SCN4A: variants seen among roughly 807,000 people sequenced by gnomAD.
SCN4A encodes the protein sodium channel protein type 4 subunit alpha.
A neutral mutation model predicts 162.0 loss-of-function variants in SCN4A; 83 were observed. That is an observed-to-expected ratio of 0.51 (90% CI 0.43 to 0.61). SCN4A has a LOEUF of 0.61. Ranked by LOEUF, SCN4A falls within the 20% of genes least tolerant of loss-of-function variation. The pLI is 0.00. For missense variants in SCN4A, 2,196 were observed against 2,462.5 expected, an observed-to-expected ratio of 0.89 and a Z score of 2.29; for synonymous variants, 944 against 985.1, an observed-to-expected ratio of 0.96 and a Z score of 0.78.
Position 63,950,073 on chromosome 17 carries a change from C to T in SCN4A, c.2854-545G>A, listed in dbSNP as rs571717791. On this transcript the variant is annotated intron_variant, in intron 14 of 23. Coordinates refer to ENST00000435607, the MANE Select transcript of SCN4A (RefSeq NM_000334.4). This position sits in a 1 kb window ranked among gnomAD's most constrained non-coding sequence, Gnocchi z 4.6. ...AAGGGAACCTGATCAGTGTTGGGAG[C>T]GGGAGTGGGGGAGGCGGGTGCTCCA... 1.8e-3 allele frequency among the ~76,000 whole-genome samples: 280 copies of T among 152,142 alleles called. No individual in the cohort carries two copies. The highest frequency in any genetic ancestry group is 3.4e-3 in the Middle Eastern group (1 of 294).
At chr17:63,954,078 A>G (rs1908998224) in intron 13 of SCN4A, among the ~76,000 whole-genome samples, 1 of 152,242 alleles carries the variant, frequency 6.6e-6, no homozygotes, top group South Asian at 2.1e-4. Flanking sequence ...GTGAGAGGGC[A>G]TGGGGAATTG....
chr17:63,946,796 G>A (rs911821631), intron 18 of SCN4A, among the ~76,000 whole-genome samples: 15 of 152,132 alleles, frequency 9.9e-5, no homozygotes, highest in Non-Finnish European at 1.9e-4. Flanking sequence ...CCCTCAAGTA[G>A]TGGCAGAGGT....
chr17:63,952,319 C>T (rs1908939743), intron 13 of SCN4A, among the ~76,000 whole-genome samples: 2 of 152,134 alleles, frequency 1.3e-5, no homozygotes, highest in Middle Eastern at 6.8e-3. Context: ...GCCACCATGC[C>T]CAGCTAATCT....
chr17:63,958,002 T>TAAAAA (rs60393540), intron 12 of SCN4A, among the ~76,000 whole-genome samples: 2 of 55,234 alleles, frequency 3.6e-5, no homozygotes, highest in African/African-American at 6.0e-5. Context: ...AAAACTCCAC[T>TAAAAA]AAAAAAAAAA....
At chr17:63,948,342 G>A (rs1002522391) in intron 16 of SCN4A, among the ~76,000 whole-genome samples, 2 of 152,108 alleles carry the variant, frequency 1.3e-5, no homozygotes, top group Non-Finnish European at 2.9e-5. Context: ...TCAGTCCTGC[G>A]CCCCCAGTTC....
chr17:63,968,885 G>A lies in SCN4A; in HGVS notation c.704-530C>T, dbSNP rs554968902. Among the ~76,000 whole-genome samples the A allele has an allele frequency of 2.0e-5, 3 of 152,296 alleles. No individual in the cohort carries two copies. In the East Asian group the frequency reaches 5.8e-4, roughly 29 times the overall value. ...GAGAGAGTCTCATTCTGTCACCCAG[G>A]CTGGAATGCAGTGGCGTGATCTTGG... On this transcript the variant is annotated intron_variant, in intron 5 of 23. Coordinates refer to ENST00000435607, the MANE Select transcript of SCN4A (RefSeq NM_000334.4).
chr17:63,971,290 G>A, intron 4 of SCN4A, 37 bp from the exon 5 acceptor site: 1 of 1,117,512 alleles, frequency 8.9e-7, no homozygotes, highest in Non-Finnish European at 1.3e-6. Context: ...GACTGTCAGA[G>A]CCTGGGGTGG....
At position 63,944,598 on chromosome 17, in the gene SCN4A, C is replaced by T. The variant is rs142880555; in HGVS notation, c.3912+75G>A. Reference sequence around the variant, plus strand: ...CTCAGGCAGCGTTTGTGGGTTTGTGCAATGGAGAGTGGACAAAGGAGGCAG... The same window carrying T: ...CTCAGGCAGCGTTTGTGGGTTTGTGTAATGGAGAGTGGACAAAGGAGGCAG... On this transcript the variant is annotated intron_variant, in intron 21 of 23. Coordinates refer to ENST00000435607, the MANE Select transcript of SCN4A (RefSeq NM_000334.4). The surrounding 1 kb of genome is among the most constrained non-coding windows in gnomAD (Gnocchi z 4.3). 11 of 1,502,874 alleles carry T rather than the reference C, an allele frequency of 7.3e-6. No individual in the cohort carries two copies. The highest frequency in any genetic ancestry group is 9.9e-6 in the Non-Finnish European group (11 of 1,108,848). 93.1% of individuals were successfully genotyped at this position (1,502,874 alleles called of 1,614,324 possible). A position where few individuals can be genotyped will look rare whatever the true frequency, so the allele number is the denominator to read the frequency against.
In SCN4A at chr17:63,963,833, C is replaced by G. The variant is rs1909349500; in HGVS notation, c.1453-8G>C. 1 of 1,593,128 alleles carries G rather than the reference C, an allele frequency of 6.3e-7. No individual in the cohort carries two copies. The highest frequency in any genetic ancestry group is 1.3e-5 in the African/African-American group (1 of 74,472). ...AGCTTGGGCGGCCTTGGCCTGTAGACCAGCAAGAGTGACTGGCAGGAAGTC... is the reference window on the plus strand; with the variant it reads ...AGCTTGGGCGGCCTTGGCCTGTAGAGCAGCAAGAGTGACTGGCAGGAAGTC... On this transcript the variant is annotated splice_region_variant and splice_polypyrimidine_tract_variant and intron_variant, in intron 9 of 23. Transcript: ENST00000435607.
intron 5 of SCN4A, among the ~76,000 whole-genome samples, 195 bp from the exon 6 acceptor site, chr17:63,968,550 G>A (rs1012182013): frequency 1.3e-5 from 2 of 152,168 alleles, no homozygotes; most frequent in African/African-American, 4.8e-5. Context: ...GCCCTCAAAT[G>A]GCCACAGACG....
chr17:63,963,024 C>G (rs1261344087), intron 10 of SCN4A, among the ~76,000 whole-genome samples: 1 of 152,170 alleles, frequency 6.6e-6, no homozygotes, highest in Non-Finnish European at 1.5e-5. Flanking sequence ...TCTCTATTGT[C>G]CCTTTTTCCT....
At position 63,951,901 on chromosome 17, in the gene SCN4A, C is replaced by A; in HGVS notation, c.2377-1G>T. 6.6e-7 allele frequency: 1 copy of A among 1,520,394 alleles called. No individual in the cohort carries two copies. The highest frequency in any genetic ancestry group is 2.4e-5 in the East Asian group (1 of 41,068). 94.2% of individuals were successfully genotyped at this position (1,520,394 alleles called of 1,614,324 possible). On this transcript the variant is annotated splice_acceptor_variant, in intron 13 of 23. Transcript: ENST00000435607. LOFTEE classifies it high-confidence loss of function. This position sits in a 1 kb window ranked among gnomAD's most constrained non-coding sequence, Gnocchi z 4.5. ...GCAGAGCCAGGAACAGGTTCAGGAC[C>A]TGGGGCATGGGGTCAGGGGGAGCCT...
rs1203365294 is a variant in SCN4A, at chr17:63,951,868, G to A, written c.2409C>T (p.Ser803=). The A allele has an allele frequency of 1.3e-6, 2 of 1,550,618 alleles. No homozygotes were observed. Among genetic ancestry groups the A allele is most frequent in the Non-Finnish European group, 1.7e-6 (2 of 1,151,942 alleles). Reference sequence around the variant, plus strand: ...CTGCCAGACTGTCGGCGCTGAAGGAGCTCAGCAGCAGAGCCAGGAACAGGT... The same window carrying A: ...CTGCCAGACTGTCGGCGCTGAAGGAACTCAGCAGCAGAGCCAGGAACAGGT... The part of the protein sequence containing the change: ...VLNLFLALLL[S]SFSADSLAAS... The change falls in exon 14 of 24, where the codon AGC becomes AGT. Residue 803 remains serine, a synonymous_variant. Transcript: ENST00000435607. The surrounding 1 kb of genome is among the most constrained non-coding windows in gnomAD (Gnocchi z 4.5).
rs560271820 is a variant in SCN4A, at chr17:63,939,174, A to G, written c.*1597T>C. 1 of 152,870 alleles carries G rather than the reference A, an allele frequency of 6.5e-6. No homozygotes were observed. Among genetic ancestry groups the G allele is most frequent in the South Asian group, 2.1e-4 (1 of 4,842 alleles). 9.5% of individuals were successfully genotyped at this position (152,870 alleles called of 1,614,324 possible). A position where few individuals can be genotyped will look rare whatever the true frequency, so the allele number is the denominator to read the frequency against. On this transcript the variant is annotated 3_prime_UTR_variant, in exon 24 of 24. Coordinates refer to ENST00000435607, the MANE Select transcript of SCN4A (RefSeq NM_000334.4). ...CTGAATTTTAATCAAACTTTTCATG[A>G]GAAACAAGAAGAAAAAGAAGAGGCA...
In SCN4A at chr17:63,940,815, G is replaced by A; in HGVS notation, c.5467C>T (p.Pro1823Ser). 6.2e-7 allele frequency: 1 copy of A among 1,603,354 alleles called. No homozygotes were observed. Among genetic ancestry groups the A allele is most frequent in the Non-Finnish European group, 8.5e-7 (1 of 1,173,290 alleles). ...ACACCTGGGCGCACAGTCTGCCCTG[G>A]GGGAGGGGCGGGAGGCCAGGCAGTG... ...SDTAWPPAPP[P>S]GQTVRPGVKE... The change falls in exon 24 of 24, where the codon CCA (proline) becomes TCA (serine). Residue 1823 changes from proline (P) to serine (S), a missense_variant. Transcript: ENST00000435607.
In SCN4A at chr17:63,952,000, A is replaced by G. The variant is rs1431163677; in HGVS notation, c.2377-100T>C. On this transcript the variant is annotated intron_variant, in intron 13 of 23. Transcript: ENST00000435607. This position sits in a 1 kb window ranked among gnomAD's most constrained non-coding sequence, Gnocchi z 4.5. The stretch of plus-strand genomic sequence containing the variant: ...GGTCCTCGGTCTACAGATCCAAACT[A>G]CCACATGTTGGGCATTTAAAAGAAC... The G allele has an allele frequency of 3.0e-6, 2 of 676,932 alleles. No homozygotes were observed. Among genetic ancestry groups the G allele is most frequent in the East Asian group, 2.7e-5 (1 of 36,568 alleles). 41.9% of individuals were successfully genotyped at this position (676,932 alleles called of 1,614,324 possible). A position where few individuals can be genotyped will look rare whatever the true frequency, so the allele number is the denominator to read the frequency against.
chr17:63,958,108 A>G (rs1328440305), intron 12 of SCN4A, among the ~76,000 whole-genome samples: 2 of 150,622 alleles, frequency 1.3e-5, no homozygotes, highest in African/African-American at 4.9e-5. Flanking sequence ...GTTGGCTCAC[A>G]CCTGTAATCC....
intron 22 of SCN4A, 99 bp from the exon 23 acceptor site, chr17:63,943,195 A>G (rs1309454892): frequency 8.5e-6 from 9 of 1,060,116 alleles, no homozygotes; most frequent in Admixed American, 2.0e-5. Flanking sequence ...ACAGCATGAC[A>G]GAGATGACAG....
chr17:63,942,306 A>T (rs1908568205), intron 23 of SCN4A, among the ~76,000 whole-genome samples: 1 of 151,490 alleles, frequency 6.6e-6, no homozygotes, highest in Non-Finnish European at 1.5e-5. Flanking sequence ...AAAGAGACAG[A>T]GAGAGAGAGA....
Sources: gnomAD v4.1 joint callset for allele counts (sites outside exome capture counted in the v4.1 genomes callset) on GRCh38, gnomAD v4.1.1 for gene constraint, Gnocchi (gnomAD v3.1) non-coding constraint, MANE v1.5 for transcripts, NCBI Gene and HGNC (gene_info 2026-07-23, HGNC 2026-07-21) for gene names.